WWOX: variants seen among roughly 807,000 people sequenced by gnomAD.
The protein encoded by WWOX is WW domain containing oxidoreductase.
In WWOX, 69 loss-of-function variants were observed where a neutral mutation model predicts 46.2. The observed-to-expected ratio is 1.49, with a 90% CI of 1.23 to 1.82. The LOEUF (loss-of-function observed/expected upper bound fraction) is 1.82, where lower values mean the gene tolerates loss of function less well. Ranked by LOEUF, WWOX falls within the 40% of genes most tolerant of loss-of-function variation. The pLI is 0.00. For missense variants in WWOX, 919 were observed against 542.6 expected (o/e 1.69, Z -6.89); for synonymous variants, 359 against 202.6 (o/e 1.77, Z -6.56).
chr16:78,939,820 C>A (rs1006726584), intron 8 of WWOX, among the ~76,000 whole-genome samples: 1 of 152,164 alleles, frequency 6.6e-6, no homozygotes, highest in Non-Finnish European at 1.5e-5. Flanking sequence ...TTCCGTCATC[C>A]TTCATCAAGG....
At chr16:78,828,273 A>G (rs953137416) in intron 8 of WWOX, among the ~76,000 whole-genome samples, 2 of 152,184 alleles carry the variant, frequency 1.3e-5, no homozygotes, top group African/African-American at 4.8e-5. Context: ...GCCTCCAGAG[A>G]GAAGAGCCTT....
At chr16:78,148,302 G>T (rs539169551) in intron 4 of WWOX, among the ~76,000 whole-genome samples, 1 of 152,182 alleles carries the variant, frequency 6.6e-6, no homozygotes, top group African/African-American at 2.4e-5. Context: ...GTGTGTGCAC[G>T]TGTGTGCGCA....
chr16:78,622,801 A>C (rs558713002), intron 8 of WWOX, among the ~76,000 whole-genome samples: 5 of 152,334 alleles, frequency 3.3e-5, no homozygotes, highest in Admixed American at 2.0e-4. Context: ...AAGGTCTTAC[A>C]TGAGACAGAT....
chr16:78,708,363 C>T (rs1023966394), intron 8 of WWOX, among the ~76,000 whole-genome samples: 1 of 152,100 alleles, frequency 6.6e-6, no homozygotes. Flanking sequence ...AAATTTTACT[C>T]GGCATCCTGT....
chr16:78,435,679 G>A (rs963855528), intron 8 of WWOX, among the ~76,000 whole-genome samples: 1 of 152,186 alleles, frequency 6.6e-6, no homozygotes, highest in African/African-American at 2.4e-5. Flanking sequence ...CTTCCTGGTG[G>A]TGGCAAGACA....
At chr16:79,119,572 A>T (rs2049586154) in intron 8 of WWOX, among the ~76,000 whole-genome samples, 1 of 152,144 alleles carries the variant, frequency 6.6e-6, no homozygotes, top group African/African-American at 2.4e-5. Flanking sequence ...TTACATTGAG[A>T]ATCTCATTTT....
intron 8 of WWOX, among the ~76,000 whole-genome samples, chr16:78,944,460 C>T (rs78155313): frequency 0.024 from 3,716 of 152,240 alleles, 140 homozygotes; most frequent in African/African-American, 0.083. Context: ...CAATATGATA[C>T]TCTGAACATC....
At chr16:78,709,912 G>A (rs181876230) in intron 8 of WWOX, among the ~76,000 whole-genome samples, 35 of 152,018 alleles carry the variant, frequency 2.3e-4, no homozygotes, top group African/African-American at 8.0e-4. Context: ...TGTATTTTTG[G>A]TAGAGATGGG....
At chr16:78,567,648 C>T (rs2044606269) in intron 8 of WWOX, among the ~76,000 whole-genome samples, 2 of 151,560 alleles carry the variant, frequency 1.3e-5, no homozygotes, top group Admixed American at 1.3e-4. Flanking sequence ...TTAAAGGGTG[C>T]CCTTTGCTGC....
chr16:78,332,442 G>T (rs1220757226), intron 5 of WWOX, among the ~76,000 whole-genome samples: 1 of 152,170 alleles, frequency 6.6e-6, no homozygotes, highest in African/African-American at 2.4e-5. Flanking sequence ...ATTTGTATGG[G>T]CTGCATGAAT....
chr16:78,368,016 C>T (rs1338474109), intron 5 of WWOX, among the ~76,000 whole-genome samples: 1 of 152,168 alleles, frequency 6.6e-6, no homozygotes, highest in African/African-American at 2.4e-5. Context: ...CTCAGCCTCC[C>T]AAAGTGCTGG....
intron 8 of WWOX, among the ~76,000 whole-genome samples, chr16:78,464,484 C>G (rs370316640): frequency 6.6e-6 from 1 of 152,154 alleles, no homozygotes; most frequent in East Asian, 1.9e-4. Context: ...AATCGTATCA[C>G]AAACTACTAG....
intron 8 of WWOX, among the ~76,000 whole-genome samples, chr16:78,801,800 T>G (rs1487016583): frequency 6.6e-6 from 1 of 152,210 alleles, no homozygotes; most frequent in Non-Finnish European, 1.5e-5. Flanking sequence ...TTCATTTTTT[T>G]TAGGAGATTA....
In WWOX at chr16:78,293,502, C is replaced by T. The variant is rs761256135; in HGVS notation, c.517-93358C>T. 4.7e-4 allele frequency among the ~76,000 whole-genome samples: 72 copies of T among 152,238 alleles called. 1 individual carries two copies. Among genetic ancestry groups the T allele is most frequent in the Middle Eastern group, 3.4e-3 (1 of 294 alleles). On this transcript the variant is annotated intron_variant, in intron 5 of 8. Transcript: ENST00000566780. ...CTCTTTCTTACGGTGGTTCTAAGCT[C>T]TATGGATCACTTGTCTTCTCCTCTG...
At chr16:78,710,195 C>G (rs753855006) in intron 8 of WWOX, among the ~76,000 whole-genome samples, 2 of 151,906 alleles carry the variant, frequency 1.3e-5, no homozygotes, top group South Asian at 2.1e-4. Flanking sequence ...TTTCCCCGTT[C>G]AAATCACCCA....
Position 78,232,122 on chromosome 16 carries a change from T to G in WWOX, c.516+67833T>G, listed in dbSNP as rs530527653. On this transcript the variant is annotated intron_variant, in intron 5 of 8. Transcript: ENST00000566780. ...GAAAGTACAAGTAAGTATACCTTATTTTTTTTAAAAAAATGAATGTGGTAT... is the reference window on the plus strand; with the variant it reads ...GAAAGTACAAGTAAGTATACCTTATGTTTTTTAAAAAAATGAATGTGGTAT... Among the ~76,000 whole-genome samples the G allele has an allele frequency of 5.3e-5, 8 of 152,170 alleles. No homozygotes were observed. The South Asian group carries it at 1.5e-3, about 28-fold the overall frequency.
At chr16:78,327,628 C>G (rs951344509) in intron 5 of WWOX, among the ~76,000 whole-genome samples, 1 of 152,154 alleles carries the variant, frequency 6.6e-6, no homozygotes, top group African/African-American at 2.4e-5. Context: ...CACAGAGATT[C>G]CACAATCTTC....
intron 8 of WWOX, among the ~76,000 whole-genome samples, chr16:78,495,418 G>C (rs1309817103): frequency 1.3e-5 from 2 of 151,902 alleles, no homozygotes; most frequent in African/African-American, 4.8e-5. Flanking sequence ...TGGGATTACA[G>C]GCGTGAGCCA....
intron 8 of WWOX, among the ~76,000 whole-genome samples, chr16:78,927,856 T>C (rs966272499): frequency 6.6e-6 from 1 of 152,230 alleles, no homozygotes; most frequent in South Asian, 2.1e-4. Flanking sequence ...TTTATTTTTG[T>C]TTCTAACTGA....
Sources: allele counts gnomAD v4.1 joint callset (sites outside exome capture counted in the v4.1 genomes callset), GRCh38; gene constraint gnomAD v4.1.1; transcripts MANE v1.5; gene names NCBI Gene and HGNC (gene_info 2026-07-23, HGNC 2026-07-21).